Variants in ACCSL observed in about 807,000 individuals in gnomAD.
ACCSL encodes probable inactive 1-aminocyclopropane-1-carboxylate synthase-like protein 2.
A neutral mutation model predicts 61.7 loss-of-function variants in ACCSL; 55 were observed. The observed-to-expected ratio is 0.89, with a 90% CI of 0.72 to 1.12. ACCSL has a LOEUF of 1.12. Ranked by LOEUF, ACCSL falls within the 50% of genes most tolerant of loss-of-function variation. The pLI is 0.00. For synonymous variants in ACCSL, 258 were observed against 264.3 expected, an observed-to-expected ratio of 0.98 and a Z score of 0.23; for missense variants, 632 against 698.0, an observed-to-expected ratio of 0.91 and a Z score of 1.07.
chr11:44,024,616 A>T, the ACCSL span, among the ~76,000 whole-genome samples: 19 of 152,272 alleles, frequency 1.2e-4, no homozygotes, highest in South Asian at 1.4e-3. Flanking sequence ...CATATGGTCT[A>T]TCCTGGAGAA....
chr11:43,933,153 C>G, the ACCSL span: 1 of 456,246 alleles, frequency 2.2e-6, no homozygotes, highest in East Asian at 6.9e-5. Flanking sequence ...TAAGGTAAGT[C>G]CCTCAGGCTT....
At chr11:44,013,845 C>T in the ACCSL span, among the ~76,000 whole-genome samples, 1 of 152,152 alleles carries the variant, frequency 6.6e-6, no homozygotes, top group Non-Finnish European at 1.5e-5. Flanking sequence ...TGGGGCTGTG[C>T]GGACAGAGGC....
chr11:44,047,754 C>T (rs781181898), upstream of ACCSL, among the ~76,000 whole-genome samples: 2 of 152,200 alleles, frequency 1.3e-5, no homozygotes, highest in Non-Finnish European at 2.9e-5. Context: ...TTCATATCCC[C>T]CTGCTCTTCC....
rs76056213 is a variant in ACCSL at position 44,052,959 on chromosome 11, G to A, written c.871-32G>A. 2.7e-3 allele frequency: 4,279 copies of A among 1,598,222 alleles called. 104 individuals carry two copies. In the African/African-American group the frequency reaches 0.05, roughly 19 times the overall value. ...TGAGGAATCAAGACTTAGATTTTAA[G>A]AGACACTTCTCACATAGTGTTTCTC... On this transcript the variant is annotated intron_variant, in intron 6 of 13. Transcript: ENST00000378832.
intron 9 of ACCSL, 98 bp downstream of exon 9, chr11:44,055,389 A>G: frequency 1.2e-6 from 1 of 849,720 alleles, no homozygotes; most frequent in East Asian, 2.6e-5. Flanking sequence ...TTCCTAGCAC[A>G]TAGCCAGTTA....
chr11:43,934,486 A>G, the ACCSL span, among the ~76,000 whole-genome samples: 1,237 of 152,236 alleles, frequency 8.1e-3, 14 homozygotes, highest in African/African-American at 0.028. Flanking sequence ...GCGCACACAC[A>G]TGCGCACACA....
At chr11:43,928,581 G>C in the ACCSL span, among the ~76,000 whole-genome samples, 1,656 of 152,280 alleles carry the variant, frequency 0.011, 15 homozygotes, top group Middle Eastern at 0.037. Context: ...CTCCCTTGGT[G>C]AGCCTGCGAG....
chr11:43,985,994 T>C, the ACCSL span, among the ~76,000 whole-genome samples: 1 of 151,166 alleles, frequency 6.6e-6, no homozygotes, highest in Non-Finnish European at 1.5e-5. Flanking sequence ...AACAAACAAA[T>C]AAATAAAAAT....
the ACCSL span, among the ~76,000 whole-genome samples, chr11:43,989,659 C>T: frequency 6.6e-6 from 1 of 152,240 alleles, no homozygotes; most frequent in African/African-American, 2.4e-5. Context: ...GGGTGGAGAT[C>T]AGGCTTTCAC....
the ACCSL span, among the ~76,000 whole-genome samples, chr11:44,013,502 A>G: frequency 6.6e-6 from 1 of 152,214 alleles, no homozygotes; most frequent in African/African-American, 2.4e-5. Flanking sequence ...CATGTTGGCC[A>G]GGCTGGTCTC....
the ACCSL span, among the ~76,000 whole-genome samples, chr11:44,022,025 T>C: frequency 7.2e-5 from 11 of 152,310 alleles, no homozygotes; most frequent in Admixed American, 3.3e-4. Context: ...TATAGCTTTA[T>C]AGTATAGTTT....
the ACCSL span, among the ~76,000 whole-genome samples, chr11:43,963,700 C>T: frequency 2.0e-4 from 31 of 152,216 alleles, no homozygotes; most frequent in African/African-American, 7.5e-4. Flanking sequence ...TTTACTGTTC[C>T]TGTGATCCCC....
chr11:44,007,306 A>G, the ACCSL span, among the ~76,000 whole-genome samples: 14,564 of 152,180 alleles, frequency 0.096, 846 homozygotes, highest in East Asian at 0.33. Context: ...AGTGCCCCCC[A>G]GCTTCGGGCC....
the ACCSL span, among the ~76,000 whole-genome samples, chr11:44,005,548 T>C: frequency 1.3e-5 from 2 of 152,132 alleles, no homozygotes; most frequent in African/African-American, 2.4e-5. Flanking sequence ...AGGAGTGGGC[T>C]GTGAATTTTG....
chr11:44,025,859 A>G, the ACCSL span, among the ~76,000 whole-genome samples: 7 of 152,338 alleles, frequency 4.6e-5, no homozygotes, highest in Admixed American at 2.6e-4. Context: ...CACTTTGAAT[A>G]TGTTATCCCC....
chr11:43,948,479 T>C, the ACCSL span, among the ~76,000 whole-genome samples: 2 of 152,112 alleles, frequency 1.3e-5, no homozygotes, highest in African/African-American at 4.8e-5. Context: ...TTTATTTATT[T>C]ATTTATTTAT....
chr11:43,994,396 T>G, the ACCSL span, among the ~76,000 whole-genome samples: 1 of 152,330 alleles, frequency 6.6e-6, no homozygotes, highest in East Asian at 1.9e-4. Context: ...CTCTGACTGC[T>G]TCATCAGGGT....
chr11:44,003,427 T>A, the ACCSL span, among the ~76,000 whole-genome samples: 1 of 152,056 alleles, frequency 6.6e-6, no homozygotes, highest in Admixed American at 6.6e-5. Flanking sequence ...CTGAGGTGGG[T>A]GGGTCGCTTG....
chr11:43,973,951 C>T, the ACCSL span: 1 of 152,142 alleles, frequency 6.6e-6, no homozygotes, highest in Admixed American at 6.6e-5. Flanking sequence ...TTGAACTGAT[C>T]CTTACCAGGA....
Sources: allele counts gnomAD v4.1 joint callset (sites outside exome capture counted in the v4.1 genomes callset), GRCh38; gene constraint gnomAD v4.1.1; transcripts MANE v1.5; gene names NCBI Gene and HGNC (gene_info 2026-07-23, HGNC 2026-07-21).